Variants in ZNF324B observed in about 807,000 individuals in gnomAD.
ZNF324B encodes the protein zinc finger protein 324B.
Under a neutral mutation model 10.6 loss-of-function variants are expected in ZNF324B, and 7 were observed. The observed-to-expected ratio is 0.66, with a 90% CI of 0.38 to 1.24. The LOEUF (loss-of-function observed/expected upper bound fraction) is 1.24. ZNF324B is among the 50% of genes most tolerant of loss of function. ZNF324B has a pLI of 0.02. For missense variants in ZNF324B, 640 were observed against 764.7 expected (o/e 0.84, Z 1.92); for synonymous variants, 316 against 321.0 (o/e 0.98, Z 0.17).
rs576499269 is a variant in ZNF324B at position 58,455,709 on chromosome 19, G to C, written c.765G>C (p.Lys255Asn). The change falls in exon 4 of 4, where the codon AAG becomes AAC. Residue 255 changes from lysine (K) to asparagine (N), a missense_variant. Coordinates refer to ENST00000336614, the MANE Select transcript of ZNF324B (RefSeq NM_207395.3). This position sits in a 1 kb window ranked among gnomAD's most constrained non-coding sequence, Gnocchi z 7.0. ...ELGEALHAGE[K>N]SFECRACSKV... ...GCGAGGCTCTTCACGCTGGGGAGAA[G>C]TCCTTCGAATGCAGGGCGTGCAGCA... The C allele has an allele frequency of 3.7e-6, 6 of 1,613,668 alleles. No homozygotes were observed. In the South Asian group the frequency reaches 6.6e-5, roughly 18 times the overall value.
the ZNF324B span, chr19:58,434,540 G>T: frequency 6.2e-7 from 1 of 1,614,180 alleles, no homozygotes; most frequent in Non-Finnish European, 8.5e-7. Context: ...TTAGATGAGT[G>T]ACTAAAGGCC....
At chr19:58,452,771 T>TA in intron 1 of ZNF324B, 1 of 526,868 alleles carries the variant, frequency 1.9e-6, no homozygotes, top group Non-Finnish European at 2.4e-6. Flanking sequence ...CGTGCGGAGT[T>TA]ACAGCTTGAG....
chr19:58,438,007 G>T, the ZNF324B span, among the ~76,000 whole-genome samples: 1 of 152,154 alleles, frequency 6.6e-6, no homozygotes, highest in Non-Finnish European at 1.5e-5. Flanking sequence ...TGGGGACTCA[G>T]CTTAGGCTGA....
chr19:58,440,137 A>C, the ZNF324B span: 1 of 408,204 alleles, frequency 2.4e-6, no homozygotes, highest in Non-Finnish European at 4.4e-6. Flanking sequence ...CACCAGCAGC[A>C]AAATGAGGAC....
chr19:58,437,093 C>T, the ZNF324B span: 4 of 1,614,138 alleles, frequency 2.5e-6, no homozygotes, highest in Admixed American at 1.7e-5. Flanking sequence ...CACTGTGGTA[C>T]AGGTGCCTCT....
chr19:58,438,134 G>A, the ZNF324B span, among the ~76,000 whole-genome samples: 1 of 152,168 alleles, frequency 6.6e-6, no homozygotes, highest in South Asian at 2.1e-4. Flanking sequence ...GAGCTGTAGA[G>A]AAGCAAATCA....
the ZNF324B span, among the ~76,000 whole-genome samples, chr19:58,432,137 G>C: frequency 6.6e-6 from 1 of 152,196 alleles, no homozygotes; most frequent in South Asian, 2.1e-4. Flanking sequence ...AAGGCATGAA[G>C]TGTGTGTTAG....
chr19:58,433,651 G>C, the ZNF324B span: 2 of 1,614,174 alleles, frequency 1.2e-6, no homozygotes, highest in East Asian at 4.5e-5. Flanking sequence ...GCATTTATAA[G>C]GCTTTTCTCC....
chr19:58,433,994 C>T, the ZNF324B span: 1 of 1,614,218 alleles, frequency 6.2e-7, no homozygotes, highest in South Asian at 1.1e-5. Flanking sequence ...AAAGGCCGTT[C>T]TCCAGTGTGA....
the ZNF324B span, chr19:58,434,674 G>A: frequency 6.2e-7 from 1 of 1,614,206 alleles, no homozygotes. Flanking sequence ...TTCAGAGTGA[G>A]TTCTCAGATG....
At chr19:58,449,444 G>A (rs1348856131), upstream of ZNF324B, among the ~76,000 whole-genome samples, 1 of 152,176 alleles carries the variant, frequency 6.6e-6, no homozygotes. Context: ...CCAGACTCCA[G>A]AATGGTAGAT....
chr19:58,437,083 C>T, the ZNF324B span: 7 of 1,614,020 alleles, frequency 4.3e-6, no homozygotes, highest in African/African-American at 1.3e-5. Context: ...TCCAGCATCA[C>T]ACTGTGGTAC....
In ZNF324B at chr19:58,455,043, C is replaced by T. The variant is rs751782720; in HGVS notation, c.239-140C>T. 5 of 1,177,956 alleles carry T rather than the reference C, an allele frequency of 4.2e-6. 1 individual carries two copies. Among genetic ancestry groups the T allele is most frequent in the Non-Finnish European group, 6.3e-6 (5 of 798,512 alleles). The allele number at this position is 1,177,956 out of a possible 1,614,324, so 73.0% of individuals were successfully genotyped here. ...ATGCTTCCTCCAAACCCCAGCCCCTCCTGCAGAGCCAGCCTCACCTCTTCT... is the reference window on the plus strand; with the variant it reads ...ATGCTTCCTCCAAACCCCAGCCCCTTCTGCAGAGCCAGCCTCACCTCTTCT... On this transcript the variant is annotated intron_variant, in intron 3 of 3. Coordinates refer to ENST00000336614, the MANE Select transcript of ZNF324B (RefSeq NM_207395.3). This position sits in a 1 kb window ranked among gnomAD's most constrained non-coding sequence, Gnocchi z 7.0.
chr19:58,424,398 T>A, the ZNF324B span, among the ~76,000 whole-genome samples: 3 of 152,188 alleles, frequency 2.0e-5, no homozygotes, highest in Non-Finnish European at 4.4e-5. Context: ...TTAATAATCA[T>A]CCAAAGTTTA....
At chr19:58,432,455 A>T in the ZNF324B span, 2 of 379,234 alleles carry the variant, frequency 5.3e-6, no homozygotes, top group South Asian at 2.0e-5. Context: ...CAGTCTACCC[A>T]AATCCCTGGT....
the ZNF324B span, chr19:58,442,312 G>A: frequency 6.6e-6 from 1 of 150,798 alleles, no homozygotes; most frequent in African/African-American, 2.5e-5. Flanking sequence ...GGGACTACAG[G>A]CGCCCGCCAC....
upstream of ZNF324B, among the ~76,000 whole-genome samples, chr19:58,446,670 G>A (rs571272058): frequency 1.1e-4 from 16 of 141,662 alleles, no homozygotes; most frequent in South Asian, 4.6e-4. Context: ...TCCGCCTCCC[G>A]GGTTCAAGAG....
chr19:58,433,186 C>A, the ZNF324B span: 5 of 926,494 alleles, frequency 5.4e-6, no homozygotes, highest in African/African-American at 6.7e-5. Context: ...CTGGGCTGGT[C>A]AGAAACAGAG....
the ZNF324B span, chr19:58,444,355 C>A: frequency 1.3e-5 from 2 of 152,186 alleles, no homozygotes; most frequent in African/African-American, 4.8e-5. Flanking sequence ...TAGTTGTTAT[C>A]TGCACATGGT....
Sources: allele counts gnomAD v4.1 joint callset (sites outside exome capture counted in the v4.1 genomes callset), GRCh38; gene constraint gnomAD v4.1.1; non-coding constraint Gnocchi (gnomAD v3.1); transcripts MANE v1.5; gene names NCBI Gene and HGNC (gene_info 2026-07-23, HGNC 2026-07-21).